ACTL6A: variants seen among roughly 807,000 people sequenced by gnomAD.
The protein encoded by ACTL6A is actin-like protein 6A.
In ACTL6A, 5 loss-of-function variants were observed where a neutral mutation model predicts 59.2. That is an observed-to-expected ratio of 0.08 (90% CI 0.04 to 0.18). ACTL6A has a LOEUF of 0.18. Ranked by LOEUF, ACTL6A falls within the 10% of genes least tolerant of loss-of-function variation. The pLI is 1.00. For missense variants in ACTL6A, 285 were observed against 526.9 expected (o/e 0.54, Z 4.49); for synonymous variants, 154 against 171.8 (o/e 0.90, Z 0.81).
At chr3:179,573,181 A>C in intron 3 of ACTL6A, 188 bp from the exon 4 acceptor site, 1 of 442,500 alleles carries the variant, frequency 2.3e-6, no homozygotes, top group Non-Finnish European at 4.0e-6. Context: ...GACCAAAAAG[A>C]AGTTCTATAT....
chr3:179,583,520 T>G (rs1560014531), intron 12 of ACTL6A, 72 bp downstream of exon 12: 1 of 1,219,866 alleles, frequency 8.2e-7, no homozygotes, highest in African/African-American at 1.5e-5. Context: ...ATTTTGTAGA[T>G]AAGCGTCCAT....
intron 1 of ACTL6A, among the ~76,000 whole-genome samples, chr3:179,567,212 A>G (rs1416362922): frequency 6.6e-6 from 1 of 152,110 alleles, no homozygotes; most frequent in East Asian, 1.9e-4. Context: ...CTAAAAATAT[A>G]AAACCTAGCC....
intron 11 of ACTL6A, 185 bp from the exon 12 acceptor site, chr3:179,583,166 TAG>T (rs1718384860): frequency 4.7e-6 from 2 of 422,624 alleles, no homozygotes; most frequent in South Asian, 7.2e-5. Context: ...AAAAGCTCCT[TAG>T]ATGAGTTGAA....
chr3:179,580,966 G>A lies in ACTL6A; in HGVS notation c.903G>A (p.Arg301=). Residue 301 remains arginine, a synonymous_variant, in exon 10 of 14, where the codon CGG becomes CGA. Transcript: ENST00000429709. Reference sequence around the variant, plus strand: ...ACAATTGTGATTTTGGTGCAGAGCGGCTAAAGATTCCAGAAGGATTATTTG... The same window carrying A: ...ACAATTGTGATTTTGGTGCAGAGCGACTAAAGATTCCAGAAGGATTATTTG... ...NGYNCDFGAE[R]LKIPEGLFDP... The A allele has an allele frequency of 6.3e-7, 1 of 1,585,726 alleles. No individual in the cohort carries two copies. The highest frequency in any genetic ancestry group is 1.2e-5 in the South Asian group (1 of 85,078).
intron 8 of ACTL6A, among the ~76,000 whole-genome samples, chr3:179,577,375 A>G (rs1470238541): frequency 2.0e-5 from 3 of 152,188 alleles, no homozygotes; most frequent in Non-Finnish European, 4.4e-5. Flanking sequence ...CAAGGAACCC[A>G]TGAGAGATTC....
rs1718173565 is a variant in ACTL6A, at chr3:179,576,610, T to C, written c.572-10T>C. ...ACTGCCCTCTTAGCCTTGTTTCATC[T>C]GTTTCATAGGCATTGTGAAATCCCC... On this transcript the variant is annotated splice_polypyrimidine_tract_variant and intron_variant, in intron 6 of 13. Coordinates refer to ENST00000429709, the MANE Select transcript of ACTL6A (RefSeq NM_004301.5). 1 of 1,602,182 alleles carries C rather than the reference T, an allele frequency of 6.2e-7. No homozygotes were observed. Among genetic ancestry groups the C allele is most frequent in the South Asian group, 1.1e-5 (1 of 90,614 alleles).
Position 179,570,233 on chromosome 3 carries a change from A to C in ACTL6A, c.269A>C (p.Asn90Thr). The C allele has an allele frequency of 6.2e-7, 1 of 1,613,106 alleles. No homozygotes were observed. Among genetic ancestry groups the C allele is most frequent in the Non-Finnish European group, 8.5e-7 (1 of 1,179,624 alleles). The change falls in exon 3 of 14, where the codon AAT (asparagine) becomes ACT (threonine). Residue 90 changes from asparagine (N) to threonine (T), a missense_variant. Physicochemically the swap from Asn to Thr is moderately conservative, Grantham distance 65 (BLOSUM62 0). Coordinates refer to ENST00000429709, the MANE Select transcript of ACTL6A (RefSeq NM_004301.5). This position sits in a 1 kb window ranked among gnomAD's most constrained non-coding sequence, Gnocchi z 4.3. ...ENMEAISPLK[N>T]GMVEDWDSFQ... is the part of the protein sequence containing the mutation. ...ATGGAGGCCATTTCACCTCTAAAAA[A>C]TGGGATGGGTATGATGTTTTCCCCA...
At chr3:179,569,143 T>C (rs999367346) in intron 1 of ACTL6A, among the ~76,000 whole-genome samples, 4 of 152,194 alleles carry the variant, frequency 2.6e-5, no homozygotes, top group Admixed American at 2.6e-4. Context: ...TGCTGGTATA[T>C]TTATTAGCCT....
rs116343341 is a variant in ACTL6A at position 179,570,737 on chromosome 3, G to C, written c.277+496G>C. On this transcript the variant is annotated intron_variant, in intron 3 of 13. Transcript: ENST00000429709. The surrounding 1 kb of genome is among the most constrained non-coding windows in gnomAD (Gnocchi z 4.3). Reference sequence around the variant, plus strand: ...CAATTAAGTATGGTTGCAGCATTGGGCTTATTAGGGTCAGTAGCAGGAAAG... The same window carrying C: ...CAATTAAGTATGGTTGCAGCATTGGCCTTATTAGGGTCAGTAGCAGGAAAG... Among the ~76,000 whole-genome samples, 4,487 of 152,248 alleles carry C rather than the reference G, an allele frequency of 0.029. 76 individuals are homozygous for C. Among genetic ancestry groups the C allele is most frequent in the Non-Finnish European group, 0.048 (3,250 of 67,994 alleles).
At chr3:179,572,259 C>G (rs1014659725) in intron 3 of ACTL6A, among the ~76,000 whole-genome samples, 1 of 150,854 alleles carries the variant, frequency 6.6e-6, no homozygotes, top group African/African-American at 2.4e-5. Context: ...AGGGGAAGAA[C>G]AAGAAAAGAA....
intron 3 of ACTL6A, among the ~76,000 whole-genome samples, chr3:179,571,713 C>T (rs115121757): frequency 2.6e-5 from 4 of 152,338 alleles, no homozygotes; most frequent in African/African-American, 9.6e-5. Flanking sequence ...TCCAGGAGAA[C>T]TCTGAGGCTC....
chr3:179,570,247 A>T lies in ACTL6A; in HGVS notation c.277+6A>T, dbSNP rs776277964. On this transcript the variant is annotated splice_donor_region_variant and intron_variant, in intron 3 of 13. Transcript: ENST00000429709. The surrounding 1 kb of genome is among the most constrained non-coding windows in gnomAD (Gnocchi z 4.3). The stretch of plus-strand genomic sequence containing the variant: ...ACCTCTAAAAAATGGGATGGGTATG[A>T]TGTTTTCCCCATGGAATTGATTATG... 3 of 1,608,820 alleles carry T rather than the reference A, an allele frequency of 1.9e-6. No homozygotes were observed. The highest frequency in any genetic ancestry group is 2.2e-5 in the South Asian group (2 of 90,376).
Position 179,581,211 on chromosome 3 carries a change from C to T in ACTL6A, c.1017C>T (p.Asp339=), listed in dbSNP as rs1132429. Residue 339 remains aspartate (D), a synonymous_variant, in exon 11 of 14, where the codon GAC becomes GAT. Coordinates refer to ENST00000429709, the MANE Select transcript of ACTL6A (RefSeq NM_004301.5). ...VTTSVGMCDI[D]IRPGLYGSVI... is the part of the protein sequence containing the mutation. ...CAAGTGTTGGGATGTGTGATATTGA[C>T]ATCAGACCAGTAAGTGCCAGTCTCC... is the stretch of plus-strand genomic sequence containing the variant. 1,023,152 of 1,610,988 alleles carry T rather than the reference C, an allele frequency of 0.64. 327,873 individuals are homozygous for T. Among genetic ancestry groups the T allele is most frequent in the East Asian group, 0.9 (40,334 of 44,860 alleles).
At chr3:179,574,314 A>T (rs1576852549) in intron 4 of ACTL6A, 56 bp from the exon 5 acceptor site, 4 of 1,094,538 alleles carry the variant, frequency 3.7e-6, no homozygotes, top group East Asian at 4.7e-5. Flanking sequence ...TTATCTGGAG[A>T]TAAATCAACT....
chr3:179,586,126 A>T (rs1408684746), intron 12 of ACTL6A, among the ~76,000 whole-genome samples: 1 of 152,224 alleles, frequency 6.6e-6, no homozygotes, highest in East Asian at 1.9e-4. Flanking sequence ...TTAGGATAGA[A>T]ATTGTGAATG....
chr3:179,585,234 C>T (rs1315550066), intron 12 of ACTL6A, among the ~76,000 whole-genome samples: 2 of 152,170 alleles, frequency 1.3e-5, no homozygotes, highest in African/African-American at 2.4e-5. Flanking sequence ...TCCCAAGTAG[C>T]TGGGATTACA....
At chr3:179,577,582 G>A (rs1718205222) in intron 8 of ACTL6A, among the ~76,000 whole-genome samples, 1 of 151,818 alleles carries the variant, frequency 6.6e-6, no homozygotes, top group South Asian at 2.1e-4. Flanking sequence ...ACAGATTATT[G>A]TCCCCCAGGT....
chr3:179,563,923 G>A (rs1717752179), intron 1 of ACTL6A, among the ~76,000 whole-genome samples: 1 of 152,130 alleles, frequency 6.6e-6, no homozygotes, highest in Non-Finnish European at 1.5e-5. Context: ...TCTTTATTAA[G>A]CGCTTTGGTC....
chr3:179,584,670 A>G (rs1718432983), intron 12 of ACTL6A, among the ~76,000 whole-genome samples: 1 of 151,942 alleles, frequency 6.6e-6, no homozygotes, highest in Non-Finnish European at 1.5e-5. Flanking sequence ...CTGTAATCCC[A>G]GCTACTTGGG....
Sources: allele counts gnomAD v4.1 joint callset (sites outside exome capture counted in the v4.1 genomes callset), GRCh38; gene constraint gnomAD v4.1.1; non-coding constraint Gnocchi (gnomAD v3.1); transcripts MANE v1.5; gene names NCBI Gene and HGNC (gene_info 2026-07-23, HGNC 2026-07-21).